The following ANKRD6 variants were observed in gnomAD, a reference collection of about 807,000 sequenced individuals.
ANKRD6 encodes the protein ankyrin repeat domain-containing protein 6.
Under a neutral mutation model 82.3 loss-of-function variants are expected in ANKRD6, and 56 were observed. The ratio of observed to expected loss-of-function variants is 0.68; its 90% CI spans 0.55 to 0.85. The LOEUF is 0.85. Among genes scored for constraint, ANKRD6 ranks in the 40% least tolerant of loss-of-function variants. The pLI, the probability that ANKRD6 is intolerant of heterozygous loss-of-function variation, is 0.00. For missense variants in ANKRD6, 852 were observed against 907.6 expected, an observed-to-expected ratio of 0.94 and a Z score of 0.79; for synonymous variants, 347 against 352.1, an observed-to-expected ratio of 0.99 and a Z score of 0.16.
intron 1 of ANKRD6, among the ~76,000 whole-genome samples, chr6:89,455,393 G>A (rs575121706): frequency 7.4e-4 from 113 of 152,146 alleles, no homozygotes; most frequent in Non-Finnish European, 1.2e-3. Flanking sequence ...GAGAATGGGA[G>A]CCAGAGTGGA....
intron 1 of ANKRD6, among the ~76,000 whole-genome samples, chr6:89,439,301 G>A (rs1466654068): frequency 6.6e-6 from 1 of 152,060 alleles, no homozygotes; most frequent in East Asian, 1.9e-4. Flanking sequence ...AACTACTTTA[G>A]GCTGCTGGCA....
chr6:89,520,617 C>T lies in ANKRD6; in HGVS notation c.-143-46217C>T, dbSNP rs189845455. Among the ~76,000 whole-genome samples, 10 of 152,296 alleles carry T rather than the reference C, an allele frequency of 6.6e-5. No individual in the cohort carries two copies. The East Asian group carries it at 9.6e-4, about 15-fold the overall frequency. The stretch of plus-strand genomic sequence containing the variant: ...GCCAGATGAGCTAAGAAGTATCCCT[C>T]GGACTTTGGATCCTAGGCTGCAGAG... On this transcript the variant is annotated intron_variant, in intron 1 of 15. Transcript: ENST00000339746.
At chr6:89,542,907 T>C (rs1784602495) in intron 1 of ANKRD6, among the ~76,000 whole-genome samples, 1 of 152,264 alleles carries the variant, frequency 6.6e-6, no homozygotes, top group Non-Finnish European at 1.5e-5. Flanking sequence ...ATTTTTGTTC[T>C]TCCTGTTTAT....
rs143903823 is a variant in ANKRD6 at position 89,632,500 on chromosome 6, C to G, written c.*1496C>G. On this transcript the variant is annotated 3_prime_UTR_variant, in exon 16 of 16. Transcript: ENST00000339746. ...GTGGCATGATCACACCTCACTGCAGCCTTGGCCTCTCAGGCTCGTGATCCT... is the reference window on the plus strand; with the variant it reads ...GTGGCATGATCACACCTCACTGCAGGCTTGGCCTCTCAGGCTCGTGATCCT... The G allele has an allele frequency of 6.6e-6, 1 of 152,300 alleles. No individual in the cohort carries two copies. The highest frequency in any genetic ancestry group is 6.5e-5 in the Admixed American group (1 of 15,306). The allele number at this position is 152,300 out of a possible 1,614,324, so 9.4% of individuals were successfully genotyped here.
chr6:89,627,813 ATATAGT>A, intron 14 of ANKRD6, 117 bp downstream of exon 14: 1 of 734,610 alleles, frequency 1.4e-6, no homozygotes, highest in Non-Finnish European at 2.2e-6. Context: ...CTTTTACATT[ATATAGT>A]GTATCATTTT....
intron 13 of ANKRD6, among the ~76,000 whole-genome samples, chr6:89,626,998 A>G (rs1001341472): frequency 2.0e-5 from 3 of 152,214 alleles, no homozygotes; most frequent in African/African-American, 7.2e-5. Flanking sequence ...AAAAATCTCC[A>G]TACTTTGAGA....
At chr6:89,612,401 T>C (rs749406437) in intron 6 of ANKRD6, 31 bp downstream of exon 6, 6 of 1,524,384 alleles carry the variant, frequency 3.9e-6, no homozygotes, top group Admixed American at 2.0e-5. Flanking sequence ...TCTCACGTTC[T>C]CTCTTTCTTG....
intron 1 of ANKRD6, among the ~76,000 whole-genome samples, chr6:89,522,731 C>T (rs1464189447): frequency 3.3e-5 from 5 of 152,090 alleles, no homozygotes; most frequent in Non-Finnish European, 7.4e-5. Context: ...AGTAACATCT[C>T]TTGATTTTAG....
chr6:89,522,297 C>A (rs1224248718), intron 1 of ANKRD6, among the ~76,000 whole-genome samples: 2 of 152,212 alleles, frequency 1.3e-5, no homozygotes, highest in Non-Finnish European at 2.9e-5. Context: ...GTAGGGCAGG[C>A]AACTGTTAGG....
intron 1 of ANKRD6, among the ~76,000 whole-genome samples, chr6:89,446,950 T>C (rs1772167346): frequency 6.6e-6 from 1 of 152,192 alleles, no homozygotes; most frequent in Admixed American, 6.5e-5. Context: ...GCCATGATTG[T>C]GAGTTTCCTG....
intron 1 of ANKRD6, among the ~76,000 whole-genome samples, chr6:89,458,967 G>GT: frequency 6.6e-6 from 1 of 152,316 alleles, no homozygotes; most frequent in African/African-American, 2.4e-5. Flanking sequence ...ATGCAAAAGG[G>GT]GTGACAGACA....
intron 1 of ANKRD6, among the ~76,000 whole-genome samples, chr6:89,451,165 A>G (rs1421346783): frequency 6.6e-6 from 1 of 152,130 alleles, no homozygotes; most frequent in Non-Finnish European, 1.5e-5. Flanking sequence ...AAAAGTTAGT[A>G]GGGCATGGTG....
chr6:89,610,189 G>A (rs911645112), intron 5 of ANKRD6, among the ~76,000 whole-genome samples: 1 of 152,072 alleles, frequency 6.6e-6, no homozygotes, highest in African/African-American at 2.4e-5. Flanking sequence ...AAATGTATAC[G>A]GTTGTGTAAC....
At chr6:89,503,288 A>G (rs1435713800) in intron 1 of ANKRD6, among the ~76,000 whole-genome samples, 3 of 152,176 alleles carry the variant, frequency 2.0e-5, no homozygotes, top group Non-Finnish European at 4.4e-5. Flanking sequence ...GGTTGTGCAC[A>G]TTAGGAAGTC....
At chr6:89,574,426 C>T (rs1485534773) in intron 2 of ANKRD6, among the ~76,000 whole-genome samples, 1 of 152,178 alleles carries the variant, frequency 6.6e-6, no homozygotes, top group Non-Finnish European at 1.5e-5. Context: ...TCCTCACAAA[C>T]CTTAGAGTTT....
At chr6:89,458,988 G>T (rs186241316) in intron 1 of ANKRD6, among the ~76,000 whole-genome samples, 1 of 152,238 alleles carries the variant, frequency 6.6e-6, no homozygotes, top group Non-Finnish European at 1.5e-5. Flanking sequence ...ACCTTGGGCA[G>T]TGTGGAGGGG....
chr6:89,603,405 C>T lies in ANKRD6; in HGVS notation c.318+278C>T, dbSNP rs540758180. Among the ~76,000 whole-genome samples, 19 of 148,376 alleles carry T rather than the reference C, an allele frequency of 1.3e-4. No homozygotes were observed. The South Asian group carries it at 3.6e-3, about 28-fold the overall frequency. ...GCAATGGCATGATCATAGCTCACTG[C>T]ACCTGGAACTCCTGGGCTCAAGTGC... is the stretch of plus-strand genomic sequence containing the variant. On this transcript the variant is annotated intron_variant, in intron 4 of 15. Coordinates refer to ENST00000339746, the MANE Select transcript of ANKRD6 (RefSeq NM_001242809.2).
chr6:89,595,928 C>G lies in ANKRD6; in HGVS notation c.133C>G (p.Pro45Ala), dbSNP rs775123742. 11 of 1,608,574 alleles carry G rather than the reference C, an allele frequency of 6.8e-6. No individual in the cohort carries two copies. The highest frequency in any genetic ancestry group is 9.3e-6 in the Non-Finnish European group (11 of 1,177,624). ...TTTGCATTCACAGCATGGCCGGACT[C>G]CCCTGCATCTTGCTGCCAATAAGGG... ...RVAVTKHGRT[P>A]LHLAANKGHL... Residue 45 changes from proline to alanine, a missense_variant, in exon 3 of 16, where the codon CCC (proline) becomes GCC (alanine). Transcript: ENST00000339746.
intron 1 of ANKRD6, among the ~76,000 whole-genome samples, chr6:89,497,951 A>G (rs1012291690): frequency 1.3e-5 from 2 of 152,324 alleles, no homozygotes; most frequent in Admixed American, 1.3e-4. Context: ...TAGACATTAC[A>G]TATAAATAGA....
Sources: allele counts gnomAD v4.1 joint callset (sites outside exome capture counted in the v4.1 genomes callset), GRCh38; gene constraint gnomAD v4.1.1; transcripts MANE v1.5; gene names NCBI Gene and HGNC (gene_info 2026-07-23, HGNC 2026-07-21).